The following KCNMA1 variants were observed in gnomAD, a reference collection of about 807,000 sequenced individuals.
The protein encoded by KCNMA1 is Calcium-activated potassium channel subunit alpha-1.
KCNMA1 carries 29 observed loss-of-function variants against 140.0 expected under a neutral mutation model. The observed-to-expected ratio is 0.21, with a 90% CI of 0.15 to 0.28. The LOEUF (loss-of-function observed/expected upper bound fraction) is 0.28. Ranked by LOEUF, KCNMA1 falls within the 10% of genes least tolerant of loss-of-function variation. The pLI is 1.00. For missense variants in KCNMA1, 880 were observed against 1,602.2 expected (o/e 0.55, Z 7.70); for synonymous variants, 612 against 611.9 (o/e 1.00, Z 0.00).
intron 3 of KCNMA1, among the ~76,000 whole-genome samples, chr10:77,210,499 G>C (rs1405707775): frequency 6.6e-6 from 1 of 152,036 alleles, no homozygotes; most frequent in Non-Finnish European, 1.5e-5. Flanking sequence ...CTTGAGAAGA[G>C]GAACAAAGCA....
In KCNMA1 at chr10:77,108,431, A is replaced by G; in HGVS notation, c.1223+50T>C. The G allele has an allele frequency of 6.2e-7, 1 of 1,602,010 alleles. No homozygotes were observed. The highest frequency in any genetic ancestry group is 2.2e-5 in the East Asian group (1 of 44,798). Reference sequence around the variant, plus strand: ...CCAAAAAAAAAAAAAAATGGCATGCAGAGAGGATTCTACCGCAGCAGAGGC... The same window carrying G: ...CCAAAAAAAAAAAAAAATGGCATGCGGAGAGGATTCTACCGCAGCAGAGGC... On this transcript the variant is annotated intron_variant, in intron 9 of 27. Transcript: ENST00000286628. This position sits in a 1 kb window ranked among gnomAD's most constrained non-coding sequence, Gnocchi z 4.6.
intron 1 of KCNMA1, among the ~76,000 whole-genome samples, chr10:77,500,278 A>G (rs1304116992): frequency 3.3e-5 from 5 of 151,138 alleles, no homozygotes; most frequent in Non-Finnish European, 5.9e-5. Context: ...TAAATATATA[A>G]AATTATACAC....
chr10:77,084,816 GC>G lies in KCNMA1; in HGVS notation c.1441-98del. The G allele has an allele frequency of 3.7e-6, 3 of 821,244 alleles. No homozygotes were observed. The Admixed American group carries it at 6.8e-5, about 19-fold the overall frequency. 50.9% of individuals were successfully genotyped at this position (821,244 alleles called of 1,614,324 possible). On this transcript the variant is annotated intron_variant, in intron 11 of 27. Transcript: ENST00000286628. ...GTTGACAGCTTCTTGGGGAAGCTTT[GC>G]AAAGAAAAAAAAAAAACAATCCTGA...
intron 5 of KCNMA1, among the ~76,000 whole-genome samples, chr10:77,165,614 C>T (rs1000723250): frequency 3.3e-5 from 5 of 152,194 alleles, no homozygotes; most frequent in East Asian, 1.9e-4. Flanking sequence ...ACTCTGGAGT[C>T]GGGCTGACTT....
rs181878782 is a variant in KCNMA1 at position 76,886,725 on chromosome 10, G to T, written c.*541C>A. On this transcript the variant is annotated 3_prime_UTR_variant, in exon 28 of 28. Transcript: ENST00000286628. ...ATCGTGAAAGCTTTTCAAATGCTTC[G>T]CAATACTTCGGCCCAGAGACTGGAA... is the stretch of plus-strand genomic sequence containing the variant. The T allele has an allele frequency of 1.0e-6, 1 of 1,003,272 alleles. No individual in the cohort carries two copies. The highest frequency in any genetic ancestry group is 1.7e-5 in the African/African-American group (1 of 57,504). The allele number at this position is 1,003,272 out of a possible 1,614,324, so 62.1% of individuals were successfully genotyped here.
chr10:77,060,345 A>G (rs1412932650), intron 14 of KCNMA1, among the ~76,000 whole-genome samples: 2 of 152,194 alleles, frequency 1.3e-5, no homozygotes, highest in Non-Finnish European at 2.9e-5. Context: ...TTGAAGCTCA[A>G]TGGAGTTTGC....
chr10:77,497,248 T>A (rs1287351541), intron 1 of KCNMA1, among the ~76,000 whole-genome samples: 2 of 152,212 alleles, frequency 1.3e-5, no homozygotes, highest in East Asian at 1.9e-4. Flanking sequence ...CAATGGGGAC[T>A]CCCTAATTAG....
chr10:76,962,899 T>G (rs10824475), intron 20 of KCNMA1, among the ~76,000 whole-genome samples: 10,655 of 152,258 alleles, frequency 0.07, 535 homozygotes, highest in Admixed American at 0.16. Context: ...CCCATTTACC[T>G]CTGATATCTT....
chr10:77,440,943 C>G (rs1484508573), intron 1 of KCNMA1, among the ~76,000 whole-genome samples: 1 of 152,112 alleles, frequency 6.6e-6, no homozygotes, highest in Non-Finnish European at 1.5e-5. Context: ...CTCAGCCCTC[C>G]GAGTGGCTGG....
At chr10:77,213,902 C>T (rs2046902892) in intron 3 of KCNMA1, among the ~76,000 whole-genome samples, 1 of 152,164 alleles carries the variant, frequency 6.6e-6, no homozygotes, top group African/African-American at 2.4e-5. Context: ...CCTTCCCCAA[C>T]CTCAGAGAAA....
downstream of KCNMA1, chr10:76,873,285 T>G (rs2031731445): frequency 6.6e-6 from 1 of 152,190 alleles, no homozygotes; most frequent in Non-Finnish European, 1.5e-5. Context: ...CAGAAGAGAC[T>G]CCACTTAAAC....
intron 1 of KCNMA1, among the ~76,000 whole-genome samples, chr10:77,628,642 G>A (rs1459497137): frequency 1.1e-4 from 16 of 149,744 alleles, no homozygotes; most frequent in East Asian, 3.9e-4. Flanking sequence ...ACAGCAAGAC[G>A]GTATCTCAAA....
At chr10:76,895,178 C>A (rs2041977098) in intron 25 of KCNMA1, among the ~76,000 whole-genome samples, 2 of 152,306 alleles carry the variant, frequency 1.3e-5, no homozygotes, top group African/African-American at 4.8e-5. Context: ...CAATCGATCA[C>A]AACCCTCTCA....
In KCNMA1 at chr10:77,233,865, C is replaced by T. The variant is rs140305004; in HGVS notation, c.602+17330G>A. On this transcript the variant is annotated intron_variant, in intron 3 of 27. Coordinates refer to ENST00000286628, the MANE Select transcript of KCNMA1 (RefSeq NM_001161352.2). ...TCTCTTGTCTTTGACTTTTATTCCC[C>T]AGTTAGCCCCACTTTGTTCAGTCCA... Among the ~76,000 whole-genome samples the T allele has an allele frequency of 2.5e-3, 380 of 152,288 alleles. 3 individuals are homozygous for T. Among genetic ancestry groups the T allele is most frequent in the African/African-American group, 8.7e-3 (361 of 41,566 alleles).
intron 1 of KCNMA1, among the ~76,000 whole-genome samples, chr10:77,513,160 A>T (rs2049045203): frequency 6.7e-6 from 1 of 148,522 alleles, no homozygotes; most frequent in Admixed American, 6.7e-5. Context: ...CATGCCCTAA[A>T]CTCCACTCAG....
intron 5 of KCNMA1, among the ~76,000 whole-genome samples, chr10:77,125,652 T>G (rs1041513777): frequency 1.3e-5 from 2 of 152,196 alleles, no homozygotes; most frequent in African/African-American, 4.8e-5. Flanking sequence ...CTCGGTTATG[T>G]GGTTACTTTC....
intron 1 of KCNMA1, among the ~76,000 whole-genome samples, chr10:77,467,077 G>A (rs1367047716): frequency 6.6e-6 from 1 of 152,206 alleles, no homozygotes; most frequent in Admixed American, 6.5e-5. Context: ...GTGACTTCTA[G>A]GCCAGACTGT....
At chr10:77,064,203 G>C (rs41300548) in intron 14 of KCNMA1, 437 of 766,062 alleles carry the variant, frequency 5.7e-4, no homozygotes, top group Non-Finnish European at 6.8e-4. Flanking sequence ...TTCTAAGTTT[G>C]CTTTACCTTT....
intron 1 of KCNMA1, among the ~76,000 whole-genome samples, chr10:77,591,044 C>A (rs1001004396): frequency 2.6e-5 from 4 of 152,056 alleles, no homozygotes; most frequent in Non-Finnish European, 4.4e-5. Flanking sequence ...CAGCAGACAG[C>A]GAGCAAGGCC....
Sources: allele counts gnomAD v4.1 joint callset (sites outside exome capture counted in the v4.1 genomes callset), GRCh38; gene constraint gnomAD v4.1.1; non-coding constraint Gnocchi (gnomAD v3.1); transcripts MANE v1.5; gene names NCBI Gene and HGNC (gene_info 2026-07-23, HGNC 2026-07-21).